The following MEI4 variants were observed in gnomAD, a reference collection of about 807,000 sequenced individuals.
The protein encoded by MEI4 is meiosis-specific protein MEI4.
In MEI4, 27 loss-of-function variants were observed where a neutral mutation model predicts 31.4. That is an observed-to-expected ratio of 0.86 (90% CI 0.63 to 1.19). The LOEUF is 1.19. MEI4 is among the 50% of genes most tolerant of loss of function. MEI4 has a pLI of 0.00. For missense variants in MEI4, 329 were observed against 398.9 expected (o/e 0.82, Z 1.49); for synonymous variants, 122 against 145.4 (o/e 0.84, Z 1.16).
chr6:77,736,858 C>G (rs909923371), intron 2 of MEI4, among the ~76,000 whole-genome samples: 2 of 59,388 alleles, frequency 3.4e-5, no homozygotes, highest in African/African-American at 2.5e-4. Context: ...GAGAACAGGA[C>G]TTTTAAAAGT....
intron 2 of MEI4, among the ~76,000 whole-genome samples, chr6:77,743,554 A>T (rs2127673767): frequency 6.6e-6 from 1 of 152,328 alleles, no homozygotes; most frequent in Middle Eastern, 3.4e-3. Context: ...ATATACAGTC[A>T]TGTCATCTGC....
chr6:77,765,833 T>C (rs1156716859), intron 3 of MEI4, among the ~76,000 whole-genome samples: 1 of 152,164 alleles, frequency 6.6e-6, no homozygotes, highest in African/African-American at 2.4e-5. Flanking sequence ...GTGGCACATA[T>C]ATACCATTGA....
chr6:77,916,608 TTTG>T (rs1206218145), intron 4 of MEI4, among the ~76,000 whole-genome samples: 2 of 152,166 alleles, frequency 1.3e-5, no homozygotes, highest in South Asian at 4.1e-4. Context: ...ATTCCAAATC[TTTG>T]TTGTCAACAA....
chr6:77,809,006 G>C (rs1208669378), intron 3 of MEI4, among the ~76,000 whole-genome samples: 1 of 152,220 alleles, frequency 6.6e-6, no homozygotes. Flanking sequence ...GGCAGCTGAA[G>C]GCTGCCTGTA....
chr6:77,665,322 G>A (rs1385394419), intron 1 of MEI4, among the ~76,000 whole-genome samples: 6 of 152,084 alleles, frequency 3.9e-5, no homozygotes, highest in Admixed American at 3.9e-4. Context: ...AAGGGTGAAA[G>A]ATAAGGGGTT....
chr6:77,790,097 C>T (rs1324125594), intron 3 of MEI4, among the ~76,000 whole-genome samples: 1 of 151,812 alleles, frequency 6.6e-6, no homozygotes, highest in African/African-American at 2.4e-5. Flanking sequence ...GAGTTCATGT[C>T]CTTTGTAGGG....
At position 77,920,348 on chromosome 6, in the gene MEI4, C is replaced by T. The variant is rs144452549; in HGVS notation, c.901-2741C>T. 8.0e-3 allele frequency among the ~76,000 whole-genome samples: 1,219 copies of T among 152,000 alleles called. 17 individuals carry two copies. Among genetic ancestry groups the T allele is most frequent in the African/African-American group, 0.028 (1,155 of 41,484 alleles). ...TGGGATGCAAGGCTGTTTCAATATA[C>T]GCAAATCAATAAATGTAATACAGCA... On this transcript the variant is annotated intron_variant, in intron 4 of 4. Transcript: ENST00000684080.
Position 77,846,165 on chromosome 6 carries a change from T to G in MEI4, c.900+17103T>G, listed in dbSNP as rs149606410. ...TCTTGCTGTGTCACCCAGGCTGGAG[T>G]GCAGTGGTGCAATCTCGTCTCACTG... On this transcript the variant is annotated intron_variant, in intron 4 of 4. Transcript: ENST00000684080. 9.5e-3 allele frequency among the ~76,000 whole-genome samples: 1,447 copies of G among 152,128 alleles called. 17 individuals carry two copies. Among genetic ancestry groups the G allele is most frequent in the African/African-American group, 0.032 (1,345 of 41,522 alleles).
chr6:77,874,388 A>G (rs941457751), intron 4 of MEI4, among the ~76,000 whole-genome samples: 3 of 152,182 alleles, frequency 2.0e-5, no homozygotes, highest in Non-Finnish European at 4.4e-5. Context: ...GAATTCACTC[A>G]TGATTCAGCT....
chr6:77,747,741 C>T (rs1474432555), intron 2 of MEI4, among the ~76,000 whole-genome samples: 1 of 152,124 alleles, frequency 6.6e-6, no homozygotes, highest in African/African-American at 2.4e-5. Context: ...TGCAACAGTC[C>T]CCCAAAGTCT....
At chr6:77,865,046 A>G (rs1036167699) in intron 4 of MEI4, among the ~76,000 whole-genome samples, 15 of 152,252 alleles carry the variant, frequency 9.9e-5, no homozygotes, top group Non-Finnish European at 2.2e-4. Flanking sequence ...GAACAAAGAC[A>G]CAACATACCA....
At chr6:77,753,418 A>G (rs200157320) in intron 2 of MEI4, among the ~76,000 whole-genome samples, 1 of 152,126 alleles carries the variant, frequency 6.6e-6, no homozygotes, top group Admixed American at 6.5e-5. Context: ...AAAAAAAACA[A>G]CCCCATCAAA....
chr6:77,916,294 T>C (rs1766545401), intron 4 of MEI4, among the ~76,000 whole-genome samples: 1 of 152,148 alleles, frequency 6.6e-6, no homozygotes, highest in African/African-American at 2.4e-5. Flanking sequence ...GGAGAATTAC[T>C]GTGTTTAGTG....
intron 4 of MEI4, among the ~76,000 whole-genome samples, chr6:77,874,396 GCT>G (rs374434689): frequency 3.0e-4 from 46 of 152,232 alleles, no homozygotes; most frequent in African/African-American, 1.1e-3. Context: ...TCATGATTCA[GCT>G]CTCTGTTTGT....
chr6:77,697,276 C>T (rs1227524136), intron 2 of MEI4, among the ~76,000 whole-genome samples: 2 of 152,084 alleles, frequency 1.3e-5, no homozygotes, highest in African/African-American at 4.8e-5. Flanking sequence ...TTCAGTTCTG[C>T]TCTGATTTTA....
intron 1 of MEI4, among the ~76,000 whole-genome samples, chr6:77,689,875 G>T (rs1769125762): frequency 6.6e-6 from 1 of 152,132 alleles, no homozygotes; most frequent in African/African-American, 2.4e-5. Context: ...CAACTCTCAT[G>T]ATAATCTAAT....
chr6:77,865,439 T>C (rs1007832342), intron 4 of MEI4, among the ~76,000 whole-genome samples: 2 of 152,140 alleles, frequency 1.3e-5, no homozygotes. Flanking sequence ...CATCAGAGAA[T>C]ACTATAAACA....
rs144452554 is a variant in MEI4 at position 77,880,104 on chromosome 6, C to T, written c.901-42985C>T. ...ATCAGAGAATTCTGCATTTTTCCAC[C>T]ACATAACTTAATGATTATTTACACA... On this transcript the variant is annotated intron_variant, in intron 4 of 4. Transcript: ENST00000684080. 8.5e-4 allele frequency among the ~76,000 whole-genome samples: 129 copies of T among 152,280 alleles called. No homozygotes were observed. The East Asian group carries it at 8.7e-3, about 10-fold the overall frequency.
intron 2 of MEI4, among the ~76,000 whole-genome samples, chr6:77,750,207 A>T (rs181893865): frequency 3.0e-4 from 45 of 152,354 alleles, no homozygotes; most frequent in Middle Eastern, 3.4e-3. Flanking sequence ...AAGAAACTGC[A>T]TCAACTAACG....
Sources: allele counts gnomAD v4.1 joint callset (sites outside exome capture counted in the v4.1 genomes callset), GRCh38; gene constraint gnomAD v4.1.1; transcripts MANE v1.5; gene names NCBI Gene and HGNC (gene_info 2026-07-23, HGNC 2026-07-21).